Variants in PUDP observed in about 807,000 individuals in gnomAD.
PUDP encodes the protein pseudouridine 5'-phosphatase, also known as pseudouridine-5'-phosphatase.
In PUDP, 8 loss-of-function variants were observed where a neutral mutation model predicts 9.4. The ratio of observed to expected loss-of-function variants is 0.85; its 90% CI spans 0.50 to 1.53. PUDP has a LOEUF of 1.53. PUDP is among the 40% of genes most tolerant of loss of function. PUDP has a pLI of 0.00. For missense variants in PUDP, 188 were observed against 189.7 expected (o/e 0.99, Z 0.05); for synonymous variants, 99 against 80.7 (o/e 1.23, Z -1.22).
intron 1 of PUDP, among the ~76,000 whole-genome samples, chrX:6,979,622 G>A (rs1221229359): frequency 8.9e-6 from 1 of 111,874 alleles, no homozygotes. Flanking sequence ...CCTAGTTCCT[G>A]CTAAGCCTTT....
intron 3 of PUDP, among the ~76,000 whole-genome samples, chrX:6,778,288 T>C (rs1925500492): frequency 8.9e-6 from 1 of 112,021 alleles, no homozygotes; most frequent in Admixed American, 9.5e-5. Context: ...GGAAACACCC[T>C]CTATCTGGAA....
intron 3 of PUDP, among the ~76,000 whole-genome samples, chrX:6,891,871 G>T (rs1405451310): frequency 8.9e-6 from 1 of 111,860 alleles, no homozygotes; most frequent in African/African-American, 3.2e-5. Context: ...AGGCACTAAT[G>T]TAATAAACTA....
intron 1 of PUDP, among the ~76,000 whole-genome samples, chrX:7,034,861 T>C (rs1929834585): frequency 4.0e-5 from 3 of 74,335 alleles, no homozygotes; most frequent in African/African-American, 1.7e-4. Flanking sequence ...ACCTGAAACA[T>C]CCAACTGAGT....
chrX:7,046,181 G>A (rs191196805), downstream of PUDP, among the ~76,000 whole-genome samples: 253 of 112,164 alleles, frequency 2.3e-3, 1 homozygote, highest in Admixed American at 0.022. Context: ...ATTAACCACC[G>A]TAATGTGTCT....
intron 3 of PUDP, among the ~76,000 whole-genome samples, chrX:6,793,605 A>C (rs1925789096): frequency 8.9e-6 from 1 of 111,966 alleles, no homozygotes; most frequent in African/African-American, 3.2e-5. Context: ...AAGCTGAGCA[A>C]TACAGAATGT....
At chrX:6,978,286 C>T (rs1489295376) in exon 2 of PUDP, among the ~76,000 whole-genome samples, 1 of 111,204 alleles carries the variant, frequency 9.0e-6, no homozygotes, top group Non-Finnish European at 1.9e-5. Context: ...TGATGGAATC[C>T]ATGATGGTTT....
intron 3 of PUDP, among the ~76,000 whole-genome samples, chrX:6,886,476 A>G (rs1927424522): frequency 1.8e-5 from 2 of 112,389 alleles, no homozygotes; most frequent in African/African-American, 3.2e-5. Context: ...ACAGGTACTC[A>G]TGGTCCAAGA....
intron 3 of PUDP, among the ~76,000 whole-genome samples, chrX:6,757,712 A>G (rs1240163291): frequency 8.9e-6 from 1 of 112,407 alleles, no homozygotes; most frequent in Non-Finnish European, 1.9e-5. Context: ...TGAACAATAG[A>G]GAGAGATGTC....
intron 3 of PUDP, among the ~76,000 whole-genome samples, chrX:6,909,769 C>T (rs1466259571): frequency 8.9e-6 from 1 of 112,343 alleles, no homozygotes; most frequent in Non-Finnish European, 1.9e-5. Context: ...AGAAATCCTG[C>T]ACTCAAGGGC....
At chrX:7,079,478 G>T (rs1482638782) in intron 2 of PUDP, among the ~76,000 whole-genome samples, 5 of 112,513 alleles carry the variant, frequency 4.4e-5, no homozygotes, top group Middle Eastern at 4.2e-3. Context: ...CCTAATTGAC[G>T]TTTATGTAAT....
chrX:6,751,161 AAAAGAAAGAAAGAAAGAAAAAAAG>A (rs1433034711), intron 3 of PUDP, among the ~76,000 whole-genome samples: 4 of 110,399 alleles, frequency 3.6e-5, no homozygotes, highest in African/African-American at 1.0e-4. Flanking sequence ...AAAGAAAGAA[AAAAGAAAGAAAGAAAGAAAAAAAG>A]AAAGAAAGAA....
At chrX:6,782,540 A>G (rs1925581427) in intron 3 of PUDP, among the ~76,000 whole-genome samples, 1 of 111,710 alleles carries the variant, frequency 9.0e-6, no homozygotes. Flanking sequence ...ACTGCACTCC[A>G]GGCTGGGCTA....
intron 1 of PUDP, among the ~76,000 whole-genome samples, chrX:7,143,461 A>G (rs1932817039): frequency 1.8e-5 from 2 of 112,165 alleles, no homozygotes; most frequent in Admixed American, 9.5e-5. Flanking sequence ...TCTGCTGAAT[A>G]TTTGTGTTGC....
Position 7,148,121 on chromosome X carries a change from C to T in PUDP, c.-8G>A. On this transcript the variant is annotated 5_prime_UTR_variant, in exon 1 of 4. Coordinates refer to ENST00000381077, the MANE Select transcript of PUDP (RefSeq NM_012080.5). The stretch of plus-strand genomic sequence containing the variant: ...CTGCGGGGGCGCCGCCATGGTGGCG[C>T]CTTCTGGGTCTGGGTGGGGGCGAGG... The T allele has an allele frequency of 8.9e-7, 1 of 1,120,692 alleles. No individual in the cohort carries two copies. Among genetic ancestry groups the T allele is most frequent in the Non-Finnish European group, 1.2e-6 (1 of 844,996 alleles). The allele number at this position is 1,120,692 out of a possible 1,213,427, so 92.4% of individuals were successfully genotyped here. A position where few individuals can be genotyped will look rare whatever the true frequency, so the allele number is the denominator to read the frequency against.
chrX:6,921,039 A>C (rs1346263990), intron 3 of PUDP, among the ~76,000 whole-genome samples: 1 of 110,399 alleles, frequency 9.1e-6, no homozygotes, highest in Non-Finnish European at 1.9e-5. Context: ...TCAGTAGCAT[A>C]TCTCTCCCAC....
At chrX:7,080,445 T>C (rs370375399) in intron 2 of PUDP, among the ~76,000 whole-genome samples, 1 of 111,635 alleles carries the variant, frequency 9.0e-6, no homozygotes. Flanking sequence ...GGAACACCTC[T>C]CAACTCATTT....
chrX:6,939,784 C>T (rs888644042), intron 3 of PUDP, among the ~76,000 whole-genome samples: 2 of 106,702 alleles, frequency 1.9e-5, no homozygotes, highest in Non-Finnish European at 3.9e-5. Flanking sequence ...CATATGATCG[C>T]TCAAGCCCAG....
At chrX:6,981,131 C>A (rs895778965) in intron 1 of PUDP, among the ~76,000 whole-genome samples, 12 of 111,950 alleles carry the variant, frequency 1.1e-4, no homozygotes, top group African/African-American at 3.6e-4. Context: ...AAATTCAAAT[C>A]TTCACCCAAA....
At chrX:7,031,340 G>A (rs1014072754) in intron 1 of PUDP, among the ~76,000 whole-genome samples, 1 of 111,622 alleles carries the variant, frequency 9.0e-6, no homozygotes, top group African/African-American at 3.3e-5. Flanking sequence ...AATAGGTAAC[G>A]CTCAGACACT....
Sources: gnomAD v4.1 joint callset for allele counts (sites outside exome capture counted in the v4.1 genomes callset) on GRCh38, gnomAD v4.1.1 for gene constraint, MANE v1.5 for transcripts, NCBI Gene and HGNC (gene_info 2026-07-23, HGNC 2026-07-21) for gene names.